PIK3C3: variants seen among roughly 807,000 people sequenced by gnomAD.
The protein encoded by PIK3C3 is phosphatidylinositol 3-kinase catalytic subunit type 3.
Under a neutral mutation model 126.1 loss-of-function variants are expected in PIK3C3, and 95 were observed. The ratio of observed to expected loss-of-function variants is 0.75; its 90% CI spans 0.64 to 0.89. The LOEUF (loss-of-function observed/expected upper bound fraction) is 0.89, where lower values mean the gene tolerates loss of function less well. Ranked by LOEUF, PIK3C3 falls within the 40% of genes least tolerant of loss-of-function variation. The pLI is 0.00. For synonymous variants in PIK3C3, 374 were observed against 360.0 expected (o/e 1.04, Z -0.44); for missense variants, 829 against 1,063.2 (o/e 0.78, Z 3.06).
chr18:42,018,754 G>A lies in PIK3C3; in HGVS notation c.1417-1884G>A, dbSNP rs149513781. Among the ~76,000 whole-genome samples the A allele has an allele frequency of 7.7e-4, 117 of 152,076 alleles. 1 individual carries two copies. In the East Asian group the frequency reaches 0.021, roughly 27 times the overall value. The stretch of plus-strand genomic sequence containing the variant: ...CTCTGAACATAGCTTTTATCCCATG[G>A]CTGTCATTTTAGTTATTATTTTATT... On this transcript the variant is annotated intron_variant, in intron 12 of 24. Transcript: ENST00000262039.
In PIK3C3 at chr18:42,084,280, A is replaced by T. The variant is rs377526843; in HGVS notation, c.*3143A>T. ...AGGAGCATTTTGTAAGTAATTACTA[A>T]TGTTTATTTTAGAGAGATCACACAA... is the stretch of plus-strand genomic sequence containing the variant. On this transcript the variant is annotated 3_prime_UTR_variant, in exon 25 of 25. Transcript: ENST00000262039. 1 of 152,196 alleles carries T rather than the reference A, an allele frequency of 6.6e-6. No homozygotes were observed. The highest frequency in any genetic ancestry group is 2.4e-5 in the African/African-American group (1 of 41,446). 9.4% of individuals were successfully genotyped at this position (152,196 alleles called of 1,614,324 possible).
intron 12 of PIK3C3, among the ~76,000 whole-genome samples, chr18:42,018,981 C>T (rs2144414782): frequency 6.6e-6 from 1 of 152,136 alleles, no homozygotes; most frequent in East Asian, 1.9e-4. Flanking sequence ...GATCTTCCTG[C>T]TCTGCAGTGA....
intron 4 of PIK3C3, among the ~76,000 whole-genome samples, chr18:41,981,036 A>G (rs566372999): frequency 1.3e-5 from 2 of 152,330 alleles, no homozygotes; most frequent in East Asian, 3.9e-4. Context: ...ATATCACCAA[A>G]TATACCTCCT....
intron 4 of PIK3C3, among the ~76,000 whole-genome samples, chr18:41,972,506 T>G (rs1442410292): frequency 6.6e-6 from 1 of 152,082 alleles, no homozygotes; most frequent in East Asian, 1.9e-4. Flanking sequence ...TTAATGAGAG[T>G]GAGCAGCTTA....
intron 4 of PIK3C3, among the ~76,000 whole-genome samples, chr18:41,985,939 A>G (rs773684704): frequency 2.2e-4 from 34 of 152,148 alleles, no homozygotes; most frequent in Admixed American, 9.8e-4. Flanking sequence ...ACATTCTCCC[A>G]CATCCAAACT....
At chr18:41,981,258 G>A (rs1235984635) in intron 4 of PIK3C3, among the ~76,000 whole-genome samples, 2 of 152,266 alleles carry the variant, frequency 1.3e-5, no homozygotes, top group East Asian at 1.9e-4. Context: ...ACCAATGATA[G>A]CAAGTAGACT....
chr18:42,028,995 G>A (rs77025269), intron 14 of PIK3C3, among the ~76,000 whole-genome samples: 1,646 of 152,132 alleles, frequency 0.011, 28 homozygotes, highest in African/African-American at 0.038. Context: ...ATAAGCCATC[G>A]GATATTTATT....
At chr18:42,007,237 A>G (rs1982595709) in intron 10 of PIK3C3, among the ~76,000 whole-genome samples, 2 of 152,222 alleles carry the variant, frequency 1.3e-5, no homozygotes, top group Middle Eastern at 3.4e-3. Flanking sequence ...TGCTTTTTAC[A>G]TTTTGCAGAC....
intron 24 of PIK3C3, among the ~76,000 whole-genome samples, chr18:42,079,979 G>A (rs868520380): frequency 8.4e-6 from 1 of 118,728 alleles, no homozygotes; most frequent in East Asian, 2.3e-4. Flanking sequence ...GTGTGTGTGT[G>A]TGTGTATGTA....
chr18:42,033,741 T>C (rs1983926951), intron 15 of PIK3C3, 85 bp from the exon 16 acceptor site: 1 of 1,003,516 alleles, frequency 1.0e-6, no homozygotes, highest in Non-Finnish European at 1.4e-6. Context: ...TTTAAGTTAA[T>C]GGAATCAATT....
At chr18:42,026,926 G>A (rs1392406787) in intron 13 of PIK3C3, 2 of 152,222 alleles carry the variant, frequency 1.3e-5, no homozygotes, top group African/African-American at 2.4e-5. Context: ...TAAAGATTAT[G>A]TATGGATCTT....
At chr18:42,033,084 A>G (rs776545910) in intron 15 of PIK3C3, among the ~76,000 whole-genome samples, 3 of 152,222 alleles carry the variant, frequency 2.0e-5, no homozygotes, top group South Asian at 2.1e-4. Flanking sequence ...AAACTCACCT[A>G]TTTAGGTGAG....
intron 9 of PIK3C3, among the ~76,000 whole-genome samples, chr18:41,999,368 A>T (rs1982174594): frequency 1.3e-5 from 2 of 152,130 alleles, no homozygotes; most frequent in South Asian, 4.1e-4. Flanking sequence ...AATTAACTCC[A>T]TGCCTTTTGA....
intron 4 of PIK3C3, among the ~76,000 whole-genome samples, chr18:41,986,452 T>C (rs537209524): frequency 6.6e-6 from 1 of 152,150 alleles, no homozygotes; most frequent in Non-Finnish European, 1.5e-5. Flanking sequence ...CCACCTGTTA[T>C]ATTTTGCATC....
rs1986375258 is a variant in PIK3C3 at position 42,085,227 on chromosome 18, A to G, written c.*4090A>G. The G allele has an allele frequency of 1.3e-5, 2 of 152,166 alleles. No homozygotes were observed. The highest frequency in any genetic ancestry group is 6.5e-5 in the Admixed American group (1 of 15,274). The allele number at this position is 152,166 out of a possible 1,614,324, so 9.4% of individuals were successfully genotyped here. ...GCTATGGGCTGGTACATTGCATTTCAACACTAGTTTTTTACTTTTATCTAC... is the reference window on the plus strand; with the variant it reads ...GCTATGGGCTGGTACATTGCATTTCGACACTAGTTTTTTACTTTTATCTAC... On this transcript the variant is annotated 3_prime_UTR_variant, in exon 25 of 25. Coordinates refer to ENST00000262039, the MANE Select transcript of PIK3C3 (RefSeq NM_002647.4).
rs570849101 is a variant in PIK3C3, at chr18:42,034,057, C to T, written c.1839+100C>T. The T allele has an allele frequency of 4.2e-6, 3 of 713,222 alleles. No individual in the cohort carries two copies. The African/African-American group carries it at 5.6e-5, about 13-fold the overall frequency. 44.2% of individuals were successfully genotyped at this position (713,222 alleles called of 1,614,324 possible). ...AACTATTACATTGCAGAGATCACAT[C>T]TATAATTCTAGTTGATTTAGTAAAT... On this transcript the variant is annotated intron_variant, in intron 16 of 24. Transcript: ENST00000262039.
chr18:42,002,859 G>T (rs1982355389), intron 9 of PIK3C3, among the ~76,000 whole-genome samples: 1 of 152,192 alleles, frequency 6.6e-6, no homozygotes, highest in African/African-American at 2.4e-5. Context: ...AAATATAGGA[G>T]ATATTGCTAG....
intron 13 of PIK3C3, among the ~76,000 whole-genome samples, chr18:42,022,038 T>G (rs1983346990): frequency 6.6e-6 from 1 of 152,212 alleles, no homozygotes; most frequent in Admixed American, 6.5e-5. Context: ...GTGGGTCAAG[T>G]CCAGCCTTAA....
intron 12 of PIK3C3, among the ~76,000 whole-genome samples, chr18:42,018,222 A>C (rs1983164205): frequency 6.6e-6 from 1 of 151,932 alleles, no homozygotes; most frequent in Non-Finnish European, 1.5e-5. Context: ...TTTTTCTTTA[A>C]ATTGTTTTAA....
Sources: allele counts gnomAD v4.1 joint callset (sites outside exome capture counted in the v4.1 genomes callset), GRCh38; gene constraint gnomAD v4.1.1; transcripts MANE v1.5; gene names NCBI Gene and HGNC (gene_info 2026-07-23, HGNC 2026-07-21).